Variants in ZDHHC11B observed in about 807,000 individuals in gnomAD.
ZDHHC11B encodes the protein probable palmitoyltransferase ZDHHC11B.
ZDHHC11B carries 17 observed loss-of-function variants against 42.3 expected under a neutral mutation model. The ratio of observed to expected loss-of-function variants is 0.40; its 90% CI spans 0.27 to 0.60. The LOEUF (loss-of-function observed/expected upper bound fraction) is 0.60, where lower values mean the gene tolerates loss of function less well. Ranked by LOEUF, ZDHHC11B falls within the 20% of genes least tolerant of loss-of-function variation. The pLI is 0.41. For synonymous variants in ZDHHC11B, 123 were observed against 193.5 expected (o/e 0.64, Z 3.02); for missense variants, 262 against 463.2 (o/e 0.57, Z 3.99).
At chr5:775,903 C>A (rs1206412291) in intron 1 of ZDHHC11B, among the ~76,000 whole-genome samples, 3 of 147,692 alleles carry the variant, frequency 2.0e-5, no homozygotes, top group Non-Finnish European at 4.5e-5. Context: ...AGTATTCAGG[C>A]ATCTCTCAGC....
intron 4 of ZDHHC11B, among the ~76,000 whole-genome samples, chr5:765,636 C>G (rs1193897627): frequency 1.2e-4 from 18 of 151,856 alleles, no homozygotes; most frequent in African/African-American, 4.4e-4. Context: ...AAGTTTTGTT[C>G]TTTTGCTCTT....
At chr5:729,785 A>G (rs1463788528) in intron 12 of ZDHHC11B, among the ~76,000 whole-genome samples, 3 of 151,978 alleles carry the variant, frequency 2.0e-5, no homozygotes, top group African/African-American at 7.3e-5. Flanking sequence ...TGCAATAGCA[A>G]ACAAGGAGTA....
At chr5:770,174 G>C (rs1297819193) in intron 1 of ZDHHC11B, among the ~76,000 whole-genome samples, 2 of 150,528 alleles carry the variant, frequency 1.3e-5, no homozygotes, top group African/African-American at 2.4e-5. Context: ...GCTGAGCCGG[G>C]TGCAGCCCAG....
intron 9 of ZDHHC11B, among the ~76,000 whole-genome samples, chr5:741,998 G>A (rs1240858797): frequency 1.5e-5 from 2 of 135,148 alleles, no homozygotes; most frequent in Non-Finnish European, 3.2e-5. Flanking sequence ...TCTCCTGGGT[G>A]TGTGGTAGTA....
At chr5:752,613 C>T (rs1231430858) in intron 6 of ZDHHC11B, among the ~76,000 whole-genome samples, 3 of 95,290 alleles carry the variant, frequency 3.1e-5, no homozygotes, top group Admixed American at 1.4e-4. Context: ...CGCAGTCGTC[C>T]GAAGACGCAG....
intron 12 of ZDHHC11B, among the ~76,000 whole-genome samples, chr5:721,859 G>A (rs1460465514): frequency 6.6e-6 from 1 of 151,764 alleles, no homozygotes; most frequent in African/African-American, 2.4e-5. Flanking sequence ...TAAGAAATTA[G>A]TGCAGGGATA....
At chr5:774,452 G>A (rs1579455843) in intron 1 of ZDHHC11B, among the ~76,000 whole-genome samples, 1 of 151,328 alleles carries the variant, frequency 6.6e-6, no homozygotes, top group Non-Finnish European at 1.5e-5. Flanking sequence ...TAGGACCAGG[G>A]GCCTGTCAGT....
At chr5:783,748 C>CT (rs1737035028) in intron 1 of ZDHHC11B, among the ~76,000 whole-genome samples, 1 of 119,498 alleles carries the variant, frequency 8.4e-6, no homozygotes, top group Non-Finnish European at 1.7e-5. Context: ...ATCAAAACAG[C>CT]AGCCCCCAAA....
At chr5:714,906 C>T (rs1741634094) in intron 13 of ZDHHC11B, among the ~76,000 whole-genome samples, 1 of 151,438 alleles carries the variant, frequency 6.6e-6, no homozygotes, top group African/African-American at 2.4e-5. Context: ...TCTAGTACTT[C>T]TTGCTCTAAC....
In ZDHHC11B at chr5:733,769, C is replaced by T. The variant is rs771792824; in HGVS notation, c.1006G>A (p.Gly336Arg). ...CHFCTSVNQD[G>R]DSKAQEADDA... Reference sequence around the variant, plus strand: ...CAACTTACCTGTGCCTTCGAATCCCCGTCCTGGTTTACTGAAGTGCAGAAG... The same window carrying T: ...CAACTTACCTGTGCCTTCGAATCCCTGTCCTGGTTTACTGAAGTGCAGAAG... Residue 336 changes from glycine (G) to arginine (R), a missense_variant, in exon 11 of 14, where the codon GGG becomes AGG. By Grantham distance (125) the Gly-to-Arg change is moderately radical (BLOSUM62 -2). This residue lies in a region of ZDHHC11B where 75 missense variants were observed against 70.1 expected (regional missense o/e 1.07). Coordinates refer to ENST00000508859, the MANE Select transcript of ZDHHC11B (RefSeq NM_001351303.2). 21 of 1,611,284 alleles carry T rather than the reference C, an allele frequency of 1.3e-5. 1 individual carries two copies. Among genetic ancestry groups the T allele is most frequent in the African/African-American group, 6.7e-5 (5 of 74,146 alleles).
intron 4 of ZDHHC11B, among the ~76,000 whole-genome samples, chr5:758,731 C>CA (rs1393389373): frequency 1.1e-4 from 16 of 151,926 alleles, no homozygotes; most frequent in African/African-American, 3.9e-4. Context: ...CCCTGGGACT[C>CA]AAAGCTTTTT....
At chr5:748,359 C>A (rs756128539) in intron 8 of ZDHHC11B, 45 bp downstream of exon 8, 2 of 1,071,400 alleles carry the variant, frequency 1.9e-6, no homozygotes, top group Non-Finnish European at 1.3e-6. Flanking sequence ...GCAGCTCTGA[C>A]CAACCAGGCT....
intron 8 of ZDHHC11B, among the ~76,000 whole-genome samples, chr5:746,353 G>C (rs1744816981): frequency 6.8e-6 from 1 of 147,144 alleles, no homozygotes; most frequent in Non-Finnish European, 1.5e-5. Flanking sequence ...AGCCCCTCCA[G>C]TCCTGTGAGG....
intron 4 of ZDHHC11B, among the ~76,000 whole-genome samples, chr5:763,135 C>T (rs886251711): frequency 6.6e-5 from 10 of 151,924 alleles, no homozygotes; most frequent in African/African-American, 1.2e-4. Flanking sequence ...TTTGGGAGAC[C>T]GAGGTGGGTG....
intron 1 of ZDHHC11B, among the ~76,000 whole-genome samples, chr5:779,076 TATC>T (rs1736772500): frequency 6.6e-6 from 1 of 151,338 alleles, no homozygotes; most frequent in Middle Eastern, 3.4e-3. Context: ...GAAGTGAACA[TATC>T]ATTTCATAAA....
chr5:713,198 A>G (rs1187861688), intron 13 of ZDHHC11B, among the ~76,000 whole-genome samples: 7 of 151,746 alleles, frequency 4.6e-5, no homozygotes, highest in African/African-American at 1.7e-4. Flanking sequence ...GTCACTTTGT[A>G]TCTATTTCAG....
rs1408040201 is a variant in ZDHHC11B, at chr5:744,680, G to T, written c.900+503C>A. ...ACCTGAGGCCAGAAGTTTGAGACCA[G>T]CCTGGCATGTCAAAACCACGTCTCT... On this transcript the variant is annotated intron_variant, in intron 9 of 13. Coordinates refer to ENST00000508859, the MANE Select transcript of ZDHHC11B (RefSeq NM_001351303.2). Among the ~76,000 whole-genome samples, 12 of 149,242 alleles carry T rather than the reference G, an allele frequency of 8.0e-5. 1 individual carries two copies. In the Admixed American group the frequency reaches 8.2e-4, roughly 10 times the overall value.
intron 12 of ZDHHC11B, among the ~76,000 whole-genome samples, chr5:728,051 A>G (rs11745802): frequency 0.32 from 42,065 of 130,828 alleles, 5,566 homozygotes; most frequent in Middle Eastern, 0.37. Context: ...CTAATGTGCA[A>G]AGAGCACTTA....
At chr5:722,529 T>C (rs1284104113) in intron 12 of ZDHHC11B, among the ~76,000 whole-genome samples, 4 of 151,536 alleles carry the variant, frequency 2.6e-5, no homozygotes, top group African/African-American at 9.7e-5. Context: ...ATTCCAAGTG[T>C]TGGAGAGGAC....
Sources: allele counts gnomAD v4.1 joint callset (sites outside exome capture counted in the v4.1 genomes callset), GRCh38; gene constraint gnomAD v4.1.1; regional missense constraint gnomAD v4.1.1; transcripts MANE v1.5; gene names NCBI Gene and HGNC (gene_info 2026-07-23, HGNC 2026-07-21).